Variants in GABRA5 observed in about 807,000 individuals in gnomAD.
The protein encoded by GABRA5 is gamma-aminobutyric acid type A receptor subunit alpha5.
GABRA5 carries 18 observed loss-of-function variants against 47.3 expected under a neutral mutation model. The ratio of observed to expected loss-of-function variants is 0.38; its 90% CI spans 0.26 to 0.56. GABRA5 has a LOEUF of 0.56. Ranked by LOEUF, GABRA5 falls within the 20% of genes least tolerant of loss-of-function variation. The probability of loss-of-function intolerance (pLI) is 0.71; values close to 1 mark genes in which losing one functional copy is unlikely to be tolerated. For synonymous variants in GABRA5, 237 were observed against 229.3 expected, an observed-to-expected ratio of 1.03 and a Z score of -0.30; for missense variants, 365 against 599.3, an observed-to-expected ratio of 0.61 and a Z score of 4.08.
At position 26,924,932 on chromosome 15, in the gene GABRA5, G is replaced by A. The variant is rs137888561; in HGVS notation, c.580+10047G>A. Among the ~76,000 whole-genome samples, 304 of 152,134 alleles carry A rather than the reference G, an allele frequency of 2.0e-3. 1 individual carries two copies. The highest frequency in any genetic ancestry group is 6.2e-3 in the African/African-American group (257 of 41,492). On this transcript the variant is annotated intron_variant, in intron 7 of 10. Transcript: ENST00000335625. The stretch of plus-strand genomic sequence containing the variant: ...ACAGTCACCACTAGGCCATCCCTTC[G>A]GTTCCAAGACCTATCTGCCTGCTTC...
chr15:26,872,157 C>T (rs1226215431), intron 3 of GABRA5, among the ~76,000 whole-genome samples: 1 of 152,170 alleles, frequency 6.6e-6, no homozygotes, highest in Non-Finnish European at 1.5e-5. Flanking sequence ...TCTAAATGGA[C>T]TTAAGAATAA....
intron 10 of GABRA5, among the ~76,000 whole-genome samples, chr15:26,945,480 AAG>A (rs1894488736): frequency 6.6e-6 from 1 of 152,222 alleles, no homozygotes; most frequent in African/African-American, 2.4e-5. Context: ...TTCAGAGAGG[AAG>A]AGATCGAACC....
At chr15:26,878,081 C>T (rs994047722) in intron 3 of GABRA5, among the ~76,000 whole-genome samples, 10 of 152,180 alleles carry the variant, frequency 6.6e-5, no homozygotes, top group Non-Finnish European at 1.2e-4. Flanking sequence ...ACGGAGTGAG[C>T]GCTTTATGGG....
At chr15:26,900,009 G>A (rs565361869) in intron 6 of GABRA5, among the ~76,000 whole-genome samples, 61 of 151,576 alleles carry the variant, frequency 4.0e-4, no homozygotes, top group Admixed American at 2.6e-3. Flanking sequence ...GTTTTTTAGC[G>A]TACCACTTTA....
At chr15:26,902,329 G>T (rs1893347056) in intron 6 of GABRA5, among the ~76,000 whole-genome samples, 1 of 151,864 alleles carries the variant, frequency 6.6e-6, no homozygotes, top group African/African-American at 2.4e-5. Flanking sequence ...GAGTTTTCTT[G>T]TTTTTCCCCT....
rs764993765 is a variant in GABRA5, at chr15:26,947,917, C to T, written c.1090-17C>T. 50 of 1,555,004 alleles carry T rather than the reference C, an allele frequency of 3.2e-5. No individual in the cohort carries two copies. Among genetic ancestry groups the T allele is most frequent in the African/African-American group, 8.2e-5 (6 of 73,184 alleles). On this transcript the variant is annotated splice_polypyrimidine_tract_variant and intron_variant, in intron 10 of 10. Coordinates refer to ENST00000335625, the MANE Select transcript of GABRA5 (RefSeq NM_000810.4). ...CCTGCAAATGGCGTGTCCTTACATT[C>T]GTATTATATTTTGCAGAAAAAGCGT...
intron 6 of GABRA5, among the ~76,000 whole-genome samples, chr15:26,887,009 C>T (rs1756238759): frequency 6.6e-6 from 1 of 152,206 alleles, no homozygotes; most frequent in African/African-American, 2.4e-5. Context: ...ACGAATCACC[C>T]TGTGGTTGAG....
At chr15:26,894,311 C>G (rs1320172775) in intron 6 of GABRA5, among the ~76,000 whole-genome samples, 1 of 152,200 alleles carries the variant, frequency 6.6e-6, no homozygotes, top group Non-Finnish European at 1.5e-5. Flanking sequence ...TCCAGAGAGG[C>G]CGGTGTGCGT....
chr15:26,905,087 T>G (rs748294772), intron 6 of GABRA5, among the ~76,000 whole-genome samples: 6 of 152,166 alleles, frequency 3.9e-5, no homozygotes, highest in Non-Finnish European at 8.8e-5. Context: ...TGATGTTGAC[T>G]GTGGATTTGT....
In GABRA5 at chr15:26,869,322, C is replaced by T. The variant is rs751390334; in HGVS notation, c.74C>T (p.Ser25Phe). 1.3e-6 allele frequency: 2 copies of T among 1,599,302 alleles called. No individual in the cohort carries two copies. Among genetic ancestry groups the T allele is most frequent in the Non-Finnish European group, 1.7e-6 (2 of 1,166,684 alleles). The change falls in exon 3 of 11, where the codon TCC (serine) becomes TTC (phenylalanine). Residue 25 changes from serine to phenylalanine, a missense_variant. Coordinates refer to ENST00000335625, the MANE Select transcript of GABRA5 (RefSeq NM_000810.4). ...LLLFCISMNL[S>F]SHFGFSQMPT... Reference sequence around the variant, plus strand: ...CTCTTTTGTATTTCCATGAACTTATCCAGTCACTTTGGGTAAGTTACCATC... The same window carrying T: ...CTCTTTTGTATTTCCATGAACTTATTCAGTCACTTTGGGTAAGTTACCATC...
Position 26,883,268 on chromosome 15 carries a change from T to TA in GABRA5, c.276+36dup, listed in dbSNP as rs1413752143. 6.2e-7 allele frequency: 1 copy of TA among 1,612,362 alleles called. No homozygotes were observed. Among genetic ancestry groups the TA allele is most frequent in the African/African-American group, 1.3e-5 (1 of 74,902 alleles). Reference sequence around the variant, plus strand: ...GGGGCATGGCTGGGCAGACAATTCTTACTCCGCGCCGCAGGCCCCCGCCCA... The same window carrying TA: ...GGGGCATGGCTGGGCAGACAATTCTTAACTCCGCGCCGCAGGCCCCCGCCCA... On this transcript the variant is annotated intron_variant, in intron 5 of 10. Coordinates refer to ENST00000335625, the MANE Select transcript of GABRA5 (RefSeq NM_000810.4). The surrounding 1 kb of genome is among the most constrained non-coding windows in gnomAD (Gnocchi z 4.8).
intron 7 of GABRA5, among the ~76,000 whole-genome samples, chr15:26,930,016 T>TTTTTTTTG (rs566636317): frequency 1.6e-3 from 210 of 128,442 alleles, no homozygotes; most frequent in African/African-American, 5.9e-3. Flanking sequence ...CTTTTTTTTT[T>TTTTTTTTG]TTTTTTGTTT....
In GABRA5 at chr15:26,885,265, C is replaced by T. The variant is rs575172384; in HGVS notation, c.497+1708C>T. Among the ~76,000 whole-genome samples the T allele has an allele frequency of 7.3e-5, 11 of 149,792 alleles. No homozygotes were observed. In the East Asian group the frequency reaches 2.2e-3, roughly 29 times the overall value. ...AGTGAGCCCAGATCGCACCACTGCA[C>T]TCCAGCCTGGGCAACAGAGCAAGAC... On this transcript the variant is annotated intron_variant, in intron 6 of 10. Coordinates refer to ENST00000335625, the MANE Select transcript of GABRA5 (RefSeq NM_000810.4).
At chr15:26,887,937 T>A (rs1460045344) in intron 6 of GABRA5, among the ~76,000 whole-genome samples, 1 of 152,204 alleles carries the variant, frequency 6.6e-6, no homozygotes, top group African/African-American at 2.4e-5. Context: ...CTCTTCTACC[T>A]TTTTGAAAAT....
Position 26,914,871 on chromosome 15 carries a change from T to C in GABRA5, c.566T>C (p.Leu189Pro). The C allele has an allele frequency of 6.2e-7, 1 of 1,613,870 alleles. No homozygotes were observed. Among genetic ancestry groups the C allele is most frequent in the Non-Finnish European group, 8.5e-7 (1 of 1,179,768 alleles). Residue 189 changes from leucine to proline, a missense_variant, in exon 7 of 11, where the codon CTG becomes CCG. Transcript: ENST00000335625. Reference sequence around the variant, plus strand: ...CCGATGGATGCGCACGCTTGCCCTCTGAAATTTGGCAGCTGTAAGTTATTT... The same window carrying C: ...CCGATGGATGCGCACGCTTGCCCTCCGAAATTTGGCAGCTGTAAGTTATTT... The part of the protein sequence containing the change: ...DFPMDAHACP[L>P]KFGSYAYPNS...
chr15:26,888,505 A>G (rs546784902), intron 6 of GABRA5, among the ~76,000 whole-genome samples: 4 of 152,042 alleles, frequency 2.6e-5, no homozygotes, highest in Non-Finnish European at 4.4e-5. Context: ...GACTGGCCCG[A>G]GGTCATCTAG....
chr15:26,897,848 A>G (rs1213913207), intron 6 of GABRA5, among the ~76,000 whole-genome samples: 2 of 152,104 alleles, frequency 1.3e-5, no homozygotes, highest in Non-Finnish European at 2.9e-5. Flanking sequence ...CGGGGATGCA[A>G]CTGACCCACG....
intron 6 of GABRA5, among the ~76,000 whole-genome samples, chr15:26,884,001 T>C (rs1265354594): frequency 6.9e-6 from 1 of 143,980 alleles, no homozygotes; most frequent in Non-Finnish European, 1.5e-5. Flanking sequence ...ACCTTGTTTC[T>C]ACCAAAAAAA....
chr15:26,930,654 A>C (rs1275509459), intron 7 of GABRA5, among the ~76,000 whole-genome samples: 1 of 152,100 alleles, frequency 6.6e-6, no homozygotes, highest in Admixed American at 6.6e-5. Context: ...AAGAAAATGG[A>C]GACTTTCTCT....
Sources: allele counts gnomAD v4.1 joint callset (sites outside exome capture counted in the v4.1 genomes callset), GRCh38; gene constraint gnomAD v4.1.1; non-coding constraint Gnocchi (gnomAD v3.1); transcripts MANE v1.5; gene names NCBI Gene and HGNC (gene_info 2026-07-23, HGNC 2026-07-21).